CDH12: variants seen among roughly 807,000 people sequenced by gnomAD.
The protein encoded by CDH12 is cadherin 12, also known as cadherin-12.
A neutral mutation model predicts 74.1 loss-of-function variants in CDH12; 41 were observed. That is an observed-to-expected ratio of 0.55 (90% CI 0.43 to 0.72). The LOEUF is 0.72. CDH12 is among the 30% of genes least tolerant of loss of function. CDH12 has a pLI of 0.00. For missense variants in CDH12, 945 were observed against 977.2 expected (o/e 0.97, Z 0.44); for synonymous variants, 399 against 355.0 (o/e 1.12, Z -1.39).
chr5:21,862,941 C>G (rs1751127740), intron 6 of CDH12, among the ~76,000 whole-genome samples: 1 of 152,088 alleles, frequency 6.6e-6, no homozygotes, highest in African/African-American at 2.4e-5. Flanking sequence ...CCTTCAGCCC[C>G]TTCAGTTCCT....
chr5:22,087,944 T>TC (rs879599601), intron 4 of CDH12, among the ~76,000 whole-genome samples: 1 of 152,148 alleles, frequency 6.6e-6, no homozygotes, highest in Non-Finnish European at 1.5e-5. Flanking sequence ...TGGAGAAAAT[T>TC]CCAGTTGTAG....
At chr5:22,844,070 G>C (rs1737195823) in intron 1 of CDH12, among the ~76,000 whole-genome samples, 1 of 151,924 alleles carries the variant, frequency 6.6e-6, no homozygotes, top group African/African-American at 2.4e-5. Context: ...CCTTCATCAA[G>C]ATAAAAAAGA....
chr5:22,314,988 C>T (rs1439399126), intron 3 of CDH12, among the ~76,000 whole-genome samples: 4 of 97,748 alleles, frequency 4.1e-5, no homozygotes, highest in African/African-American at 1.8e-4. Context: ...GAGTATCCCT[C>T]TGTCACCCAG....
At chr5:22,742,030 A>T (rs1446030590) in intron 1 of CDH12, among the ~76,000 whole-genome samples, 2 of 152,124 alleles carry the variant, frequency 1.3e-5, no homozygotes, top group Non-Finnish European at 2.9e-5. Flanking sequence ...AAAATACAAA[A>T]GGTAGCTGGG....
At chr5:22,594,874 T>A (rs141270719) in intron 1 of CDH12, among the ~76,000 whole-genome samples, 1 of 152,204 alleles carries the variant, frequency 6.6e-6, no homozygotes, top group Non-Finnish European at 1.5e-5. Flanking sequence ...GCAAAATGTA[T>A]GCTTCTATTA....
intron 6 of CDH12, among the ~76,000 whole-genome samples, chr5:21,919,673 G>A (rs949334894): frequency 6.6e-5 from 10 of 152,092 alleles, no homozygotes; most frequent in Non-Finnish European, 1.5e-4. Flanking sequence ...GATTCCCGGA[G>A]AAACGGACTG....
intron 1 of CDH12, among the ~76,000 whole-genome samples, chr5:22,766,086 T>G (rs1313022553): frequency 6.6e-6 from 1 of 151,936 alleles, no homozygotes; most frequent in African/African-American, 2.4e-5. Flanking sequence ...CAATTTAACA[T>G]CTACCATAAT....
chr5:22,200,010 G>C (rs1251643679), intron 4 of CDH12, among the ~76,000 whole-genome samples: 2 of 152,142 alleles, frequency 1.3e-5, no homozygotes, highest in African/African-American at 4.8e-5. Context: ...GAGGATTATG[G>C]TTCCAGGGAA....
chr5:21,773,624 C>T (rs1005830741), intron 11 of CDH12, among the ~76,000 whole-genome samples: 1 of 152,264 alleles, frequency 6.6e-6, no homozygotes, highest in South Asian at 2.1e-4. Context: ...GCACTGGCTT[C>T]CTGGCTCCTC....
chr5:22,590,010 G>A (rs1176647139), intron 1 of CDH12, among the ~76,000 whole-genome samples: 2 of 152,144 alleles, frequency 1.3e-5, no homozygotes, highest in African/African-American at 2.4e-5. Context: ...TATGTAAGAC[G>A]TCGATATATG....
At chr5:21,797,663 T>G (rs1033931865) in intron 10 of CDH12, among the ~76,000 whole-genome samples, 1 of 152,152 alleles carries the variant, frequency 6.6e-6, no homozygotes, top group Non-Finnish European at 1.5e-5. Flanking sequence ...TACTAGCTAC[T>G]GTGACATAAA....
intron 9 of CDH12, among the ~76,000 whole-genome samples, chr5:21,816,034 C>T (rs909777277): frequency 1.3e-5 from 2 of 151,972 alleles, no homozygotes; most frequent in African/African-American, 4.8e-5. Flanking sequence ...GAAGTAAATA[C>T]TCAGCATCAC....
At chr5:22,651,765 G>T (rs945284602) in intron 1 of CDH12, among the ~76,000 whole-genome samples, 1 of 151,394 alleles carries the variant, frequency 6.6e-6, no homozygotes, top group African/African-American at 2.4e-5. Flanking sequence ...GCACAAAGAT[G>T]CCCAAATCTG....
rs541994252 is a variant in CDH12, at chr5:22,345,998, C to T, written c.-333+59259G>A. Among the ~76,000 whole-genome samples, 9 of 150,408 alleles carry T rather than the reference C, an allele frequency of 6.0e-5. No homozygotes were observed. In the East Asian group the frequency reaches 7.9e-4, roughly 13 times the overall value. Reference sequence around the variant, plus strand: ...GCACACATCTGTAATTCCAGCTACTCGGGAGGCTGAGGCAAGAGAATCACT... The same window carrying T: ...GCACACATCTGTAATTCCAGCTACTTGGGAGGCTGAGGCAAGAGAATCACT... On this transcript the variant is annotated intron_variant, in intron 3 of 14. Transcript: ENST00000382254.
intron 1 of CDH12, among the ~76,000 whole-genome samples, chr5:22,656,055 T>C (rs1264352843): frequency 6.6e-6 from 1 of 152,192 alleles, no homozygotes; most frequent in Non-Finnish European, 1.5e-5. Context: ...TTATTTTTGT[T>C]GTTAAATGTT....
intron 1 of CDH12, among the ~76,000 whole-genome samples, chr5:22,515,211 G>A (rs1736756132): frequency 6.6e-6 from 1 of 152,060 alleles, no homozygotes; most frequent in African/African-American, 2.4e-5. Context: ...TAAGTGGGAA[G>A]ACATATCCTG....
chr5:22,389,736 C>A lies in CDH12; in HGVS notation c.-333+15521G>T, dbSNP rs113804865. 4.6e-3 allele frequency among the ~76,000 whole-genome samples: 697 copies of A among 151,252 alleles called. 4 individuals carry two copies. The highest frequency in any genetic ancestry group is 0.01 in the Admixed American group (156 of 15,182). Reference sequence around the variant, plus strand: ...GGTCTCAGCTCACTGCAAGCTCCGCCTCCCGGGTTCACGCCATTCTCCTGC... The same window carrying A: ...GGTCTCAGCTCACTGCAAGCTCCGCATCCCGGGTTCACGCCATTCTCCTGC... On this transcript the variant is annotated intron_variant, in intron 3 of 14. Coordinates refer to ENST00000382254, the MANE Select transcript of CDH12 (RefSeq NM_004061.5).
rs1460205310 is a variant in CDH12, at chr5:22,192,070, G to T, written c.-187+20428C>A. 3.3e-5 allele frequency among the ~76,000 whole-genome samples: 5 copies of T among 152,006 alleles called. No homozygotes were observed. The East Asian group carries it at 9.7e-4, about 30-fold the overall frequency. Reference sequence around the variant, plus strand: ...CCTGACTCAGACTCCCCAGTAGCTAGGATTATAGGAGGGCCACCATGCCCA... The same window carrying T: ...CCTGACTCAGACTCCCCAGTAGCTATGATTATAGGAGGGCCACCATGCCCA... On this transcript the variant is annotated intron_variant, in intron 4 of 14. Transcript: ENST00000382254.
intron 2 of CDH12, among the ~76,000 whole-genome samples, chr5:22,436,079 T>C (rs981133361): frequency 5.3e-5 from 8 of 151,602 alleles, no homozygotes; most frequent in Middle Eastern, 3.2e-3. Context: ...CATGGAATAC[T>C]ATGCATCCAT....
Sources: gnomAD v4.1 joint callset for allele counts (sites outside exome capture counted in the v4.1 genomes callset) on GRCh38, gnomAD v4.1.1 for gene constraint, MANE v1.5 for transcripts, NCBI Gene and HGNC (gene_info 2026-07-23, HGNC 2026-07-21) for gene names.